The following PLPPR5 variants were observed in gnomAD, a reference collection of about 807,000 sequenced individuals.
PLPPR5 encodes the protein phospholipid phosphatase related 5.
Under a neutral mutation model 33.9 loss-of-function variants are expected in PLPPR5, and 16 were observed. That is an observed-to-expected ratio of 0.47 (90% CI 0.32 to 0.72). PLPPR5 has a LOEUF of 0.72. PLPPR5 is among the 30% of genes least tolerant of loss of function. The probability of loss-of-function intolerance (pLI) is 0.03; values close to 1 mark genes in which losing one functional copy is unlikely to be tolerated. For synonymous variants in PLPPR5, 163 were observed against 150.3 expected (o/e 1.08, Z -0.62); for missense variants, 301 against 406.7 (o/e 0.74, Z 2.23).
chr1:98,953,237 G>A lies in PLPPR5; in HGVS notation c.454C>T (p.Leu152Phe). The A allele has an allele frequency of 6.2e-7, 1 of 1,614,052 alleles. No individual in the cohort carries two copies. Among genetic ancestry groups the A allele is most frequent in the Non-Finnish European group, 8.5e-7 (1 of 1,180,000 alleles). ...VVTGNLAPHF[L>F]ALCKPNYTAL... ...GTATAATTGGGCTTACACAGGGCAA[G>A]GAAATGTGGGGCCAGATTTCCTGTG... Residue 152 changes from leucine to phenylalanine, a missense_variant, in exon 3 of 6, where the codon CTT (leucine) becomes TTT (phenylalanine). Physicochemically the swap from Leu to Phe is conservative, Grantham distance 22. Coordinates refer to ENST00000263177, the MANE Select transcript of PLPPR5 (RefSeq NM_001037317.2).
intron 1 of PLPPR5, among the ~76,000 whole-genome samples, chr1:98,978,186 T>C (rs928170972): frequency 2.0e-5 from 3 of 151,838 alleles, no homozygotes; most frequent in Non-Finnish European, 2.9e-5. Context: ...GTTCCTCACA[T>C]AGAGAAGAAA....
chr1:98,957,387 A>G (rs1557683376), intron 1 of PLPPR5, among the ~76,000 whole-genome samples: 1 of 151,698 alleles, frequency 6.6e-6, no homozygotes, highest in Non-Finnish European at 1.5e-5. Context: ...AATAGACAAC[A>G]TTTTTGTTTC....
intron 4 of PLPPR5, among the ~76,000 whole-genome samples, chr1:98,915,887 C>T (rs930940004): frequency 3.3e-5 from 5 of 152,060 alleles, no homozygotes; most frequent in Non-Finnish European, 5.9e-5. Context: ...AGATTATTTG[C>T]TACTGTTTGC....
intron 1 of PLPPR5, among the ~76,000 whole-genome samples, chr1:98,957,198 A>C (rs1321981501): frequency 1.2e-5 from 1 of 80,260 alleles, no homozygotes; most frequent in Admixed American, 1.4e-4. Context: ...GGGTTGGGGG[A>C]GGGGGGAGGG....
At chr1:98,956,811 A>C (rs1651027396) in intron 1 of PLPPR5, 70 bp from the exon 2 acceptor site, 3 of 1,235,672 alleles carry the variant, frequency 2.4e-6, no homozygotes, top group South Asian at 3.8e-5. Context: ...TTTTTATTTT[A>C]AAAATGTAAA....
chr1:98,997,250 A>C (rs189791346), intron 1 of PLPPR5, among the ~76,000 whole-genome samples: 5 of 152,300 alleles, frequency 3.3e-5, no homozygotes, highest in Admixed American at 3.3e-4. Context: ...GATTAAAAAA[A>C]CTGAGGCTTG....
At chr1:98,898,306 G>A (rs1385441351) in intron 5 of PLPPR5, among the ~76,000 whole-genome samples, 1 of 152,122 alleles carries the variant, frequency 6.6e-6, no homozygotes, top group Non-Finnish European at 1.5e-5. Flanking sequence ...TTCTGGAGAA[G>A]GAATCATGGT....
At chr1:98,956,531 CAT>C in intron 2 of PLPPR5, 76 bp downstream of exon 2, 6 of 1,352,094 alleles carry the variant, frequency 4.4e-6, no homozygotes, top group South Asian at 1.6e-5. Flanking sequence ...AAACAGTTAA[CAT>C]GTGGGTTATT....
intron 1 of PLPPR5, among the ~76,000 whole-genome samples, chr1:98,978,031 T>TA (rs1651923200): frequency 6.6e-6 from 1 of 152,038 alleles, no homozygotes; most frequent in Non-Finnish European, 1.5e-5. Flanking sequence ...ATAAAAGTCG[T>TA]AAAATCTTTT....
chr1:98,983,536 T>C (rs1327562385), intron 1 of PLPPR5, among the ~76,000 whole-genome samples: 2 of 150,136 alleles, frequency 1.3e-5, no homozygotes, highest in Non-Finnish European at 3.0e-5. Context: ...TGAATAATGC[T>C]GCAATAAACA....
At chr1:98,979,245 T>C (rs1244995098) in intron 1 of PLPPR5, among the ~76,000 whole-genome samples, 1 of 152,046 alleles carries the variant, frequency 6.6e-6, no homozygotes, top group Non-Finnish European at 1.5e-5. Flanking sequence ...AGTTTTCTTG[T>C]TCTTTACTCA....
intron 5 of PLPPR5, among the ~76,000 whole-genome samples, chr1:98,896,015 CAGT>C (rs1648455806): frequency 6.6e-6 from 1 of 151,558 alleles, no homozygotes; most frequent in Non-Finnish European, 1.5e-5. Flanking sequence ...TTATTTATCT[CAGT>C]AGTTTTTTTT....
chr1:98,915,818 G>A (rs555620082), intron 4 of PLPPR5, among the ~76,000 whole-genome samples: 4 of 152,178 alleles, frequency 2.6e-5, no homozygotes, highest in South Asian at 2.1e-4. Context: ...AAATGCATTC[G>A]AGAAGCTTCT....
At chr1:98,900,956 T>C (rs1213677335) in intron 5 of PLPPR5, among the ~76,000 whole-genome samples, 2 of 152,188 alleles carry the variant, frequency 1.3e-5, no homozygotes, top group Admixed American at 6.6e-5. Flanking sequence ...ATGTTTACCA[T>C]ACAACCTGGC....
intron 1 of PLPPR5, among the ~76,000 whole-genome samples, chr1:98,990,238 G>T (rs778121255): frequency 2.6e-5 from 4 of 151,998 alleles, no homozygotes; most frequent in Non-Finnish European, 4.4e-5. Flanking sequence ...GCATGGTGGT[G>T]CACGCCAGTA....
chr1:98,936,335 G>A (rs998221002), intron 3 of PLPPR5, among the ~76,000 whole-genome samples: 2 of 152,188 alleles, frequency 1.3e-5, no homozygotes, highest in African/African-American at 4.8e-5. Context: ...GCATTCTGAA[G>A]TGGGCTGCTG....
At chr1:98,895,950 ATTTAC>A (rs2101130631) in intron 5 of PLPPR5, among the ~76,000 whole-genome samples, 1 of 152,092 alleles carries the variant, frequency 6.6e-6, no homozygotes, top group East Asian at 1.9e-4. Flanking sequence ...GCTTCTGTTC[ATTTAC>A]TTTACTGTTT....
intron 3 of PLPPR5, among the ~76,000 whole-genome samples, chr1:98,945,087 A>C (rs1266595564): frequency 1.3e-5 from 2 of 152,248 alleles, no homozygotes; most frequent in Non-Finnish European, 2.9e-5. Context: ...TGCCAGTGTT[A>C]GTTTTGTTGT....
At chr1:99,000,255 T>C (rs1480840675) in intron 1 of PLPPR5, among the ~76,000 whole-genome samples, 3 of 152,184 alleles carry the variant, frequency 2.0e-5, no homozygotes, top group Non-Finnish European at 4.4e-5. Flanking sequence ...GAAAATGCAA[T>C]TGAAGTAATA....
Sources: allele counts gnomAD v4.1 joint callset (sites outside exome capture counted in the v4.1 genomes callset), GRCh38; gene constraint gnomAD v4.1.1; transcripts MANE v1.5; gene names NCBI Gene and HGNC (gene_info 2026-07-23, HGNC 2026-07-21).